The following SPAG16 variants were observed in gnomAD, a reference collection of about 807,000 sequenced individuals.
SPAG16 encodes sperm associated antigen 16.
Under a neutral mutation model 80.4 loss-of-function variants are expected in SPAG16, and 86 were observed. The observed-to-expected ratio is 1.07, with a 90% CI of 0.90 to 1.28. SPAG16 has a LOEUF of 1.28. Ranked by LOEUF, SPAG16 falls within the 50% of genes most tolerant of loss-of-function variation. The probability of loss-of-function intolerance (pLI) is 0.00; values close to 1 mark genes in which losing one functional copy is unlikely to be tolerated. For synonymous variants in SPAG16, 294 were observed against 265.9 expected (o/e 1.11, Z -1.03); for missense variants, 870 against 765.3 (o/e 1.14, Z -1.61).
At chr2:213,970,032 C>G (rs2044939051) in intron 12 of SPAG16, among the ~76,000 whole-genome samples, 1 of 152,150 alleles carries the variant, frequency 6.6e-6, no homozygotes, top group Non-Finnish European at 1.5e-5. Context: ...GGCTTGCTGC[C>G]TGCTTCAAAT....
intron 12 of SPAG16, among the ~76,000 whole-genome samples, chr2:213,975,265 CA>C (rs1247436664): frequency 6.6e-6 from 1 of 150,848 alleles, no homozygotes; most frequent in Admixed American, 6.6e-5. Context: ...AGAATATTTA[CA>C]ACGTGAAAAA....
intron 10 of SPAG16, among the ~76,000 whole-genome samples, chr2:213,802,280 G>T (rs1167359374): frequency 6.6e-6 from 1 of 152,150 alleles, no homozygotes; most frequent in East Asian, 1.9e-4. Context: ...GGCCAAAGAG[G>T]AGGTGTTAGA....
intron 10 of SPAG16, among the ~76,000 whole-genome samples, chr2:213,501,097 A>C (rs998196560): frequency 1.2e-4 from 18 of 152,240 alleles, no homozygotes; most frequent in African/African-American, 3.9e-4. Flanking sequence ...AAGTTAGGGC[A>C]TGTTGAGTGT....
intron 12 of SPAG16, among the ~76,000 whole-genome samples, chr2:213,991,637 G>T (rs1489103787): frequency 6.6e-6 from 1 of 152,014 alleles, no homozygotes; most frequent in Non-Finnish European, 1.5e-5. Flanking sequence ...TAGGGATGAG[G>T]CAATCATGAG....
At chr2:213,883,050 TAG>T (rs981570778) in intron 11 of SPAG16, among the ~76,000 whole-genome samples, 1 of 152,128 alleles carries the variant, frequency 6.6e-6, no homozygotes, top group Non-Finnish European at 1.5e-5. Flanking sequence ...GTATTTTTAG[TAG>T]AGACGGGGTT....
At chr2:214,379,074 G>C (rs1375409477) in intron 15 of SPAG16, among the ~76,000 whole-genome samples, 1 of 152,220 alleles carries the variant, frequency 6.6e-6, no homozygotes, top group African/African-American at 2.4e-5. Context: ...ATTGACATCA[G>C]ATAGCCTCTT....
intron 1 of SPAG16, among the ~76,000 whole-genome samples, chr2:213,290,556 A>C (rs1466591032): frequency 3.9e-5 from 6 of 152,246 alleles, no homozygotes; most frequent in African/African-American, 1.2e-4. Flanking sequence ...CTTCGAAGGA[A>C]TACTAGGCAG....
chr2:213,985,293 C>G (rs1300924696), intron 12 of SPAG16, among the ~76,000 whole-genome samples: 1 of 151,988 alleles, frequency 6.6e-6, no homozygotes, highest in African/African-American at 2.4e-5. Context: ...TTTTCTGTGT[C>G]TAAAAATAGT....
At chr2:213,798,978 T>C (rs760357412) in intron 10 of SPAG16, among the ~76,000 whole-genome samples, 36 of 152,190 alleles carry the variant, frequency 2.4e-4, no homozygotes, top group Non-Finnish European at 3.8e-4. Flanking sequence ...TACTGTAGGT[T>C]TGTAATAAGT....
At chr2:213,749,103 C>T (rs902883358) in intron 10 of SPAG16, among the ~76,000 whole-genome samples, 2 of 152,036 alleles carry the variant, frequency 1.3e-5, no homozygotes, top group South Asian at 2.1e-4. Flanking sequence ...GCCGAGATCG[C>T]GCCACTGTAC....
intron 10 of SPAG16, among the ~76,000 whole-genome samples, chr2:213,834,133 A>C (rs1434314791): frequency 6.6e-6 from 1 of 152,152 alleles, no homozygotes; most frequent in East Asian, 1.9e-4. Flanking sequence ...CCACGTAGAA[A>C]GTGCCTTTCA....
At chr2:214,337,157 C>G (rs1160886879) in intron 15 of SPAG16, among the ~76,000 whole-genome samples, 1 of 151,864 alleles carries the variant, frequency 6.6e-6, no homozygotes, top group African/African-American at 2.4e-5. Context: ...AAGGTTATTG[C>G]TGTGTCCAAA....
intron 2 of SPAG16, among the ~76,000 whole-genome samples, 199 bp downstream of exon 2, chr2:213,296,309 A>G (rs1291451822): frequency 9.9e-5 from 15 of 152,216 alleles, no homozygotes; most frequent in Admixed American, 9.8e-4. Context: ...TGGAAAATAC[A>G]TCTGATTCTT....
At chr2:213,938,895 T>C (rs1387403013) in intron 12 of SPAG16, among the ~76,000 whole-genome samples, 1 of 152,066 alleles carries the variant, frequency 6.6e-6, no homozygotes, top group South Asian at 2.1e-4. Flanking sequence ...CTAGGAAATA[T>C]AATTTTGATA....
intron 11 of SPAG16, among the ~76,000 whole-genome samples, chr2:213,868,569 A>G (rs1318351767): frequency 6.6e-6 from 1 of 152,224 alleles, no homozygotes; most frequent in East Asian, 1.9e-4. Flanking sequence ...TAATAGTAAC[A>G]TAATTTTGAA....
At chr2:214,242,930 G>A (rs948283664) in intron 15 of SPAG16, among the ~76,000 whole-genome samples, 1 of 151,976 alleles carries the variant, frequency 6.6e-6, no homozygotes, top group Non-Finnish European at 1.5e-5. Flanking sequence ...ATTTACCTCA[G>A]GAATGACTCA....
At chr2:213,985,768 C>G (rs2045969072) in intron 12 of SPAG16, among the ~76,000 whole-genome samples, 1 of 152,024 alleles carries the variant, frequency 6.6e-6, no homozygotes, top group African/African-American at 2.4e-5. Context: ...TTCTCCTAAT[C>G]AATTCTATCA....
chr2:213,425,156 T>C (rs539841938), intron 9 of SPAG16, among the ~76,000 whole-genome samples: 1 of 151,656 alleles, frequency 6.6e-6, no homozygotes, highest in South Asian at 2.1e-4. Flanking sequence ...ACCTCGTCTC[T>C]ACTAAAAATA....
chr2:213,865,938 A>G (rs1014848012), intron 11 of SPAG16, among the ~76,000 whole-genome samples: 42 of 148,172 alleles, frequency 2.8e-4, no homozygotes, highest in Non-Finnish European at 4.2e-4. Context: ...TATATATACT[A>G]TATATATATG....
Sources: allele counts gnomAD v4.1 joint callset (sites outside exome capture counted in the v4.1 genomes callset), GRCh38; gene constraint gnomAD v4.1.1; transcripts MANE v1.5; gene names NCBI Gene and HGNC (gene_info 2026-07-23, HGNC 2026-07-21).